SNRNP200: variants seen among roughly 807,000 people sequenced by gnomAD.
SNRNP200 encodes U5 small nuclear ribonucleoprotein 200 kDa helicase.
Under a neutral mutation model 255.2 loss-of-function variants are expected in SNRNP200, and 66 were observed. The ratio of observed to expected loss-of-function variants is 0.26; its 90% CI spans 0.21 to 0.32. The LOEUF (loss-of-function observed/expected upper bound fraction) is 0.32. Ranked by LOEUF, SNRNP200 falls within the 10% of genes least tolerant of loss-of-function variation. The pLI, the probability that SNRNP200 is intolerant of heterozygous loss-of-function variation, is 1.00. For missense variants in SNRNP200, 1,585 were observed against 2,749.8 expected (o/e 0.58, Z 9.47); for synonymous variants, 939 against 1,027.8 (o/e 0.91, Z 1.65).
intron 14 of SNRNP200, 84 bp from the exon 15 acceptor site, chr2:96,293,593 A>G (rs2063898554): frequency 1.6e-6 from 2 of 1,267,902 alleles, no homozygotes. Flanking sequence ...TTGTAGGCAT[A>G]TAACCTAATA....
intron 5 of SNRNP200, among the ~76,000 whole-genome samples, chr2:96,300,028 C>T (rs574813703): frequency 6.6e-6 from 1 of 152,298 alleles, no homozygotes; most frequent in South Asian, 2.1e-4. Flanking sequence ...GAAACTGAAG[C>T]AAGATGACCT....
chr2:96,275,063 G>C lies in SNRNP200; in HGVS notation c.6360C>G (p.Tyr2120Ter). ...CTTCTTTCACATCCACGCTGAATTT[G>C]TACTCCTGGTCACATCCCATGTAAG... ...SDAYMGCDQE[Y>*]KFSVDVKEAE... Residue 2120 changes from tyrosine (Y) to a stop codon, truncating the protein, a stop_gained, in exon 45 of 45, where the codon TAC becomes TAG. Coordinates refer to ENST00000323853, the MANE Select transcript of SNRNP200 (RefSeq NM_014014.5). LOFTEE classifies it high-confidence loss of function. The C allele has an allele frequency of 6.2e-7, 1 of 1,614,186 alleles. No homozygotes were observed. The highest frequency in any genetic ancestry group is 8.5e-7 in the Non-Finnish European group (1 of 1,180,024).
At chr2:96,295,400 A>G in intron 14 of SNRNP200, 88 bp downstream of exon 14, 2 of 1,540,816 alleles carry the variant, frequency 1.3e-6, no homozygotes, top group Non-Finnish European at 1.8e-6. Flanking sequence ...CCTACAGAAA[A>G]GGCAGCAAAG....
intron 8 of SNRNP200, 85 bp from the exon 9 acceptor site, chr2:96,298,505 A>G (rs970493659): frequency 1.2e-4 from 199 of 1,610,476 alleles, no homozygotes; most frequent in Non-Finnish European, 1.6e-4. Context: ...AGAAAAATAA[A>G]AGAAACAAGC....
chr2:96,277,489 A>G lies in SNRNP200; in HGVS notation c.5931+50T>C, dbSNP rs1684687706. On this transcript the variant is annotated intron_variant, in intron 41 of 44. Coordinates refer to ENST00000323853, the MANE Select transcript of SNRNP200 (RefSeq NM_014014.5). This position sits in a 1 kb window ranked among gnomAD's most constrained non-coding sequence, Gnocchi z 4.4. Reference sequence around the variant, plus strand: ...CCGCAACCCACGCTCGGTCCACAACACTGGGCTCTCAGGCTCACCCACCTG... The same window carrying G: ...CCGCAACCCACGCTCGGTCCACAACGCTGGGCTCTCAGGCTCACCCACCTG... The G allele has an allele frequency of 1.2e-6, 2 of 1,605,070 alleles. No individual in the cohort carries two copies. The highest frequency in any genetic ancestry group is 3.3e-5 in the Admixed American group (2 of 59,978).
At position 96,293,486 on chromosome 2, in the gene SNRNP200, A is replaced by G. The variant is rs1213752530; in HGVS notation, c.1866T>C (p.Asp622=). The stretch of plus-strand genomic sequence containing the variant: ...AAGCTTCTAAGACAGGACCTCTGTC[A>G]TCGTGGAGAAGATGAATCTCATCCT... The part of the protein sequence containing the change: ...IILDEIHLLH[D]DRGPVLEALV... Residue 622 remains aspartate, a synonymous_variant, in exon 15 of 45, where the codon GAT becomes GAC. Coordinates refer to ENST00000323853, the MANE Select transcript of SNRNP200 (RefSeq NM_014014.5). 4 of 1,612,316 alleles carry G rather than the reference A, an allele frequency of 2.5e-6. No individual in the cohort carries two copies. The highest frequency in any genetic ancestry group is 1.7e-6 in the Non-Finnish European group (2 of 1,180,028).
rs770113363 is a variant in SNRNP200, at chr2:96,277,800, A to G, written c.5754+7T>C. 6.2e-7 allele frequency: 1 copy of G among 1,613,848 alleles called. No individual in the cohort carries two copies. The highest frequency in any genetic ancestry group is 8.5e-7 in the Non-Finnish European group (1 of 1,179,986). On this transcript the variant is annotated splice_region_variant and intron_variant, in intron 40 of 44. Transcript: ENST00000323853. The surrounding 1 kb of genome is among the most constrained non-coding windows in gnomAD (Gnocchi z 4.4). ...ACTGACCCCTCTGCCCCACACCCAC[A>G]CTCTACCTTACTAAGGATTTCCTCC... is the stretch of plus-strand genomic sequence containing the variant.
intron 24 of SNRNP200, 106 bp from the exon 25 acceptor site, chr2:96,288,075 A>C: frequency 1.0e-6 from 1 of 997,526 alleles, no homozygotes; most frequent in Non-Finnish European, 1.6e-6. Flanking sequence ...ACAACCACCC[A>C]CCCTAACTCA....
Position 96,293,432 on chromosome 2 carries a change from C to G in SNRNP200, c.1920G>C (p.Glu640Asp). The G allele has an allele frequency of 6.2e-7, 1 of 1,613,550 alleles. No homozygotes were observed. The highest frequency in any genetic ancestry group is 1.1e-5 in the South Asian group (1 of 91,042). ...ALVARAIRNIEMTQEDVRLIG... is the reference protein window; with the variant it reads ...ALVARAIRNIDMTQEDVRLIG... ...TGAGTCGGACATCCTCTTGGGTCAT[C>G]TCAATGTTTCGGATGGCCCTGGCCA... Residue 640 changes from glutamate (E) to aspartate (D), a missense_variant, in exon 15 of 45, where the codon GAG becomes GAC. Coordinates refer to ENST00000323853, the MANE Select transcript of SNRNP200 (RefSeq NM_014014.5).
chr2:96,299,200 C>T (rs1234413981), intron 6 of SNRNP200, 129 bp downstream of exon 6: 1 of 982,978 alleles, frequency 1.0e-6, no homozygotes, highest in African/African-American at 1.6e-5. Context: ...ACTCTAGACA[C>T]TAAGTGTTTA....
At position 96,289,394 on chromosome 2, in the gene SNRNP200, G is replaced by C. The variant is rs767594352; in HGVS notation, c.2941-15C>G. The C allele has an allele frequency of 1.9e-6, 3 of 1,613,216 alleles. No individual in the cohort carries two copies. Among genetic ancestry groups the C allele is most frequent in the Non-Finnish European group, 2.5e-6 (3 of 1,179,650 alleles). On this transcript the variant is annotated splice_polypyrimidine_tract_variant and intron_variant, in intron 21 of 44. Transcript: ENST00000323853. ...AGTTCTGTCACCTGGAGAGAAGGTAGACTCAATCCAGTGCTGACTATTAAT... is the reference window on the plus strand; with the variant it reads ...AGTTCTGTCACCTGGAGAGAAGGTACACTCAATCCAGTGCTGACTATTAAT...
Position 96,289,239 on chromosome 2 carries a change from G to A in SNRNP200, c.3081C>T (p.Ile1027=). The A allele has an allele frequency of 7.4e-6, 12 of 1,614,236 alleles. No individual in the cohort carries two copies. Among genetic ancestry groups the A allele is most frequent in the East Asian group, 2.2e-5 (1 of 44,888 alleles). Residue 1027 remains isoleucine (I), a synonymous_variant, in exon 22 of 45, where the codon ATC becomes ATT. Transcript: ENST00000323853. ...VFSLSSEFKN[I]TVREEEKLEL... is the part of the protein sequence containing the mutation. ...TGCATAGGCTCACCTCTCTCACTGT[G>A]ATGTTCTTGAACTCAGAGGACAATG...
At position 96,289,026 on chromosome 2, in the gene SNRNP200, G is replaced by A. The variant is rs1215917248; in HGVS notation, c.3174+11C>T. 6.2e-7 allele frequency: 1 copy of A among 1,602,984 alleles called. No homozygotes were observed. The highest frequency in any genetic ancestry group is 1.3e-5 in the African/African-American group (1 of 74,816). ...CTCATCCTTATCAAAGCAAAGAGGAGAGGAGCTCACCTTAGCACTGGGTTC... is the reference window on the plus strand; with the variant it reads ...CTCATCCTTATCAAAGCAAAGAGGAAAGGAGCTCACCTTAGCACTGGGTTC... On this transcript the variant is annotated intron_variant, in intron 23 of 44. Transcript: ENST00000323853.
rs540997053 is a variant in SNRNP200, at chr2:96,295,497, G to A, written c.1833C>T (p.Leu611=). The A allele has an allele frequency of 1.1e-5, 18 of 1,613,590 alleles. No homozygotes were observed. The South Asian group carries it at 1.8e-4, about 16-fold the overall frequency. ...ACTGCTCCCAACTCACCAGAATGAT[G>A]AGCCGCACCAGCTGGGTGTAGGTGC... ...GERTYTQLVR[L]IILDEIHLLH... The change falls in exon 14 of 45, where the codon CTC becomes CTT. Residue 611 remains leucine (L), a synonymous_variant. Transcript: ENST00000323853.
chr2:96,276,247 TA>T lies in SNRNP200; in HGVS notation c.6174+656del, dbSNP rs572300084. ...GAGAACCAGAATTTCTTTCTGGTGG[TA>T]AAAAACCAAGCACCCAGAAGCACAG... On this transcript the variant is annotated intron_variant, in intron 43 of 44. Transcript: ENST00000323853. 4.2e-3 allele frequency among the ~76,000 whole-genome samples: 644 copies of T among 152,154 alleles called. 5 individuals are homozygous for T. The highest frequency in any genetic ancestry group is 0.015 in the African/African-American group (612 of 41,500).
In SNRNP200 at chr2:96,301,651, C is replaced by A. The variant is rs1429063349; in HGVS notation, c.447G>T (p.Arg149=). Residue 149 remains arginine, a synonymous_variant, in exon 4 of 45, where the codon CGG becomes CGT. Coordinates refer to ENST00000323853, the MANE Select transcript of SNRNP200 (RefSeq NM_014014.5). ...CAATCTCCTTTCGCCTTTCCTTGTC[C>A]CGCAGCTTTTCATTCTTTAGAACAG... is the stretch of plus-strand genomic sequence containing the variant. The part of the protein sequence containing the change: ...VLAVLKNEKL[R]DKERRKEIDL... 1.9e-6 allele frequency: 3 copies of A among 1,614,064 alleles called. No homozygotes were observed. Among genetic ancestry groups the A allele is most frequent in the African/African-American group, 2.7e-5 (2 of 74,910 alleles).
At chr2:96,282,615 C>T (rs1014485543) in intron 34 of SNRNP200, 3 of 196,366 alleles carry the variant, frequency 1.5e-5, no homozygotes, top group Admixed American at 5.3e-5. Context: ...AATGGTTTAG[C>T]ACCACCCACC....
Position 96,284,021 on chromosome 2 carries a change from AGGGAGG to A in SNRNP200, c.4393-23_4393-18del. On this transcript the variant is annotated intron_variant, in intron 31 of 44. Coordinates refer to ENST00000323853, the MANE Select transcript of SNRNP200 (RefSeq NM_014014.5). ...TAAGACAGGCTGGAAAGAGGGAGGG[AGGGAGG>A]GTCACTGCAGGCCAAGGCTCCCATC... is the stretch of plus-strand genomic sequence containing the variant. 5.1e-6 allele frequency: 3 copies of A among 588,546 alleles called. No individual in the cohort carries two copies. The highest frequency in any genetic ancestry group is 9.4e-6 in the Non-Finnish European group (3 of 319,162). 36.5% of individuals were successfully genotyped at this position (588,546 alleles called of 1,614,324 possible). A position where few individuals can be genotyped will look rare whatever the true frequency, so the allele number is the denominator to read the frequency against.
rs758709236 is a variant in SNRNP200 at position 96,290,449 on chromosome 2, A to G, written c.2619T>C (p.His873=). The G allele has an allele frequency of 1.9e-6, 3 of 1,614,088 alleles. No individual in the cohort carries two copies. In the African/African-American group the frequency reaches 4.0e-5, roughly 22 times the overall value. Reference sequence around the variant, plus strand: ...GGGACAGGTAGTACTGTAGCTCCCCATGAGATGTGATGAGTATGCCTTCAC... The same window carrying G: ...GGGACAGGTAGTACTGTAGCTCCCCGTGAGATGTGATGAGTATGCCTTCAC... ...TKGEGILITS[H]GELQYYLSLL... Residue 873 remains histidine (H), a synonymous_variant, in exon 20 of 45, where the codon CAT becomes CAC. Transcript: ENST00000323853. This position sits in a 1 kb window ranked among gnomAD's most constrained non-coding sequence, Gnocchi z 4.5.
Sources: allele counts gnomAD v4.1 joint callset (sites outside exome capture counted in the v4.1 genomes callset), GRCh38; gene constraint gnomAD v4.1.1; non-coding constraint Gnocchi (gnomAD v3.1); transcripts MANE v1.5; gene names NCBI Gene and HGNC (gene_info 2026-07-23, HGNC 2026-07-21).